The following OSBPL10 variants were observed in gnomAD, a reference collection of about 807,000 sequenced individuals.
OSBPL10 encodes the protein oxysterol binding protein like 10, also known as oxysterol-binding protein-related protein 10.
In OSBPL10, 49 loss-of-function variants were observed where a neutral mutation model predicts 81.7. The observed-to-expected ratio is 0.60, with a 90% confidence interval of 0.48 to 0.76. The LOEUF is 0.76. OSBPL10 is among the 30% of genes least tolerant of loss of function. The pLI, the probability that OSBPL10 is intolerant of heterozygous loss-of-function variation, is 0.00. For synonymous variants in OSBPL10, 419 were observed against 383.6 expected (o/e 1.09, Z -1.08); for missense variants, 923 against 987.8 (o/e 0.93, Z 0.88).
chr3:31,771,481 G>T (rs1456401408), intron 4 of OSBPL10, among the ~76,000 whole-genome samples: 2 of 152,072 alleles, frequency 1.3e-5, no homozygotes, highest in Non-Finnish European at 2.9e-5. Context: ...AGATAAAGAA[G>T]GAATTATTAA....
chr3:31,698,644 A>G (rs1398362005), intron 7 of OSBPL10, among the ~76,000 whole-genome samples: 2 of 151,886 alleles, frequency 1.3e-5, no homozygotes, highest in African/African-American at 4.8e-5. Flanking sequence ...ATCCAACCAC[A>G]TTGGCCTCAT....
At chr3:31,939,950 G>A (rs1697489035) in intron 1 of OSBPL10, among the ~76,000 whole-genome samples, 1 of 152,048 alleles carries the variant, frequency 6.6e-6, no homozygotes, top group East Asian at 1.9e-4. Flanking sequence ...CAAACTCCTG[G>A]CCTCAAGCAA....
At chr3:31,769,459 CAAAAA>C (rs1278090768) in intron 4 of OSBPL10, among the ~76,000 whole-genome samples, 1,746 of 36,026 alleles carry the variant, frequency 0.048, 277 homozygotes, top group African/African-American at 0.14. Flanking sequence ...AAAAAAAAAA[CAAAAA>C]AAAAACAAAA....
intron 7 of OSBPL10, among the ~76,000 whole-genome samples, chr3:31,697,374 C>G (rs988608049): frequency 9.4e-6 from 1 of 106,740 alleles, no homozygotes; most frequent in Non-Finnish European, 2.0e-5. Context: ...GATTGCATAA[C>G]CATGAATAAA....
intron 1 of OSBPL10, among the ~76,000 whole-genome samples, chr3:32,071,539 T>C (rs189618472): frequency 9.3e-4 from 141 of 152,356 alleles, no homozygotes; most frequent in African/African-American, 3.2e-3. Context: ...CCACGCCTTG[T>C]AGCCTTTTTG....
chr3:32,044,059 T>C (rs879496654), intron 2 of OSBPL10, among the ~76,000 whole-genome samples: 2 of 152,140 alleles, frequency 1.3e-5, no homozygotes, highest in Non-Finnish European at 2.9e-5. Context: ...AATATACCAA[T>C]GTAACAAGCC....
intron 1 of OSBPL10, chr3:31,919,425 G>T (rs1696850773): frequency 6.6e-6 from 1 of 152,226 alleles, no homozygotes; most frequent in Non-Finnish European, 1.5e-5. Flanking sequence ...GCCAAGGAAG[G>T]TGGCCAGGTC....
intron 1 of OSBPL10, among the ~76,000 whole-genome samples, chr3:31,932,708 CCTT>C (rs953500369): frequency 3.3e-5 from 5 of 152,070 alleles, no homozygotes; most frequent in Non-Finnish European, 5.9e-5. Flanking sequence ...TCCTCCCCCT[CCTT>C]CTTCTTGGTG....
At chr3:32,037,580 C>T (rs1286560816) in intron 2 of OSBPL10, 23 of 239,258 alleles carry the variant, frequency 9.6e-5, no homozygotes, top group South Asian at 7.2e-4. Context: ...CTTAACACTG[C>T]GACCAAAGAT....
intron 6 of OSBPL10, among the ~76,000 whole-genome samples, chr3:31,705,686 G>T (rs1418447429): frequency 6.6e-6 from 1 of 152,108 alleles, no homozygotes; most frequent in Non-Finnish European, 1.5e-5. Flanking sequence ...TCCATAATCA[G>T]GTCCCCGTGC....
chr3:31,930,144 C>A (rs1663925646), intron 1 of OSBPL10, among the ~76,000 whole-genome samples: 1 of 150,082 alleles, frequency 6.7e-6, no homozygotes, highest in Admixed American at 6.7e-5. Context: ...CACAGCAAGA[C>A]CTCAGATCTC....
chr3:31,766,658 T>G (rs929064952), intron 4 of OSBPL10, among the ~76,000 whole-genome samples: 1 of 152,070 alleles, frequency 6.6e-6, no homozygotes, highest in Non-Finnish European at 1.5e-5. Flanking sequence ...ATTCTGACAT[T>G]CATGAGCTAT....
chr3:32,013,528 A>G lies in OSBPL10; in HGVS notation n.298+32963T>C, dbSNP rs571420085. The stretch of plus-strand genomic sequence containing the variant: ...AAATTGACACCCTAACATCACAATT[A>G]AAAGAACTAGAGAAGCAAGAGTAAT... On this transcript the variant is annotated intron_variant and non_coding_transcript_variant, in intron 2 of 3. Coordinates refer to the OSBPL10 transcript ENST00000479173. 1.8e-4 allele frequency among the ~76,000 whole-genome samples: 27 copies of G among 152,368 alleles called. No homozygotes were observed. The South Asian group carries it at 4.3e-3, about 25-fold the overall frequency.
At chr3:31,785,384 T>C (rs187704531) in intron 4 of OSBPL10, among the ~76,000 whole-genome samples, 23 of 152,278 alleles carry the variant, frequency 1.5e-4, no homozygotes, top group South Asian at 6.2e-4. Flanking sequence ...GCGTGTTTGA[T>C]TGGTATTTGT....
intron 4 of OSBPL10, among the ~76,000 whole-genome samples, chr3:31,761,118 A>G (rs1357633694): frequency 1.3e-5 from 2 of 152,174 alleles, no homozygotes; most frequent in Non-Finnish European, 2.9e-5. Flanking sequence ...AAAAATCCAA[A>G]CCAGTATTTT....
chr3:31,846,084 C>T (rs1404317698), intron 3 of OSBPL10, among the ~76,000 whole-genome samples: 1 of 152,206 alleles, frequency 6.6e-6, no homozygotes, highest in Non-Finnish European at 1.5e-5. Flanking sequence ...ACCATCTCTG[C>T]TCACTGCAAC....
At chr3:31,933,797 A>G (rs1430652546) in intron 1 of OSBPL10, among the ~76,000 whole-genome samples, 1 of 152,160 alleles carries the variant, frequency 6.6e-6, no homozygotes, top group Non-Finnish European at 1.5e-5. Flanking sequence ...ATCAAGGGGT[A>G]TTCAAATTAC....
chr3:31,883,243 C>CT (rs34333418), intron 1 of OSBPL10, among the ~76,000 whole-genome samples: 138 of 144,628 alleles, frequency 9.5e-4, no homozygotes, highest in Middle Eastern at 3.6e-3. Context: ...GCATGCCACT[C>CT]TTTTTTTTTT....
chr3:31,732,392 TG>T (rs1458674983), intron 6 of OSBPL10, among the ~76,000 whole-genome samples: 10 of 152,194 alleles, frequency 6.6e-5, no homozygotes, highest in African/African-American at 2.2e-4. Flanking sequence ...GACACTGCCT[TG>T]GGGCTTTCAA....
Sources: gnomAD v4.1 joint callset for allele counts (sites outside exome capture counted in the v4.1 genomes callset) on GRCh38, gnomAD v4.1.1 for gene constraint, MANE v1.5 for transcripts, NCBI Gene and HGNC (gene_info 2026-07-23, HGNC 2026-07-21) for gene names.